Variants in ELOVL6 observed in about 807,000 individuals in gnomAD.
ELOVL6 encodes ELOVL fatty acid elongase 6, also known as very long chain fatty acid elongase 6.
ELOVL6 carries 8 observed loss-of-function variants against 31.7 expected under a neutral mutation model. The ratio of observed to expected loss-of-function variants is 0.25; its 90% confidence interval spans 0.15 to 0.45. The LOEUF (loss-of-function observed/expected upper bound fraction) is 0.45. Ranked by LOEUF, ELOVL6 falls within the 20% of genes least tolerant of loss-of-function variation. The pLI is 1.00. For synonymous variants in ELOVL6, 101 were observed against 117.7 expected (o/e 0.86, Z 0.92); for missense variants, 126 against 326.4 (o/e 0.39, Z 4.73).
intron 1 of ELOVL6, among the ~76,000 whole-genome samples, chr4:110,119,580 G>A (rs1455462470): frequency 1.3e-5 from 2 of 152,162 alleles, no homozygotes; most frequent in African/African-American, 2.4e-5. Flanking sequence ...GACAGTGTCC[G>A]GAGCTGGTTT....
Position 110,120,591 on chromosome 4 carries a change from C to T in ELOVL6, c.90-14963G>A, listed in dbSNP as rs183108562. ...TACTACTATGCATTGTTCCAGGCCA[C>T]GAAATTAAAATGTGTTTCAATTTGA... On this transcript the variant is annotated intron_variant, in intron 1 of 3. Transcript: ENST00000302274. Among the ~76,000 whole-genome samples, 59 of 152,152 alleles carry T rather than the reference C, an allele frequency of 3.9e-4. 1 individual carries two copies. In the South Asian group the frequency reaches 5.6e-3, roughly 14 times the overall value.
intron 2 of ELOVL6, among the ~76,000 whole-genome samples, chr4:110,089,251 C>T (rs553084038): frequency 5.9e-5 from 9 of 152,258 alleles, no homozygotes; most frequent in East Asian, 1.9e-4. Context: ...TGTATAAAAA[C>T]GTGCATTCAG....
At chr4:110,109,633 ACC>A (rs1488443311) in intron 1 of ELOVL6, among the ~76,000 whole-genome samples, 8 of 152,132 alleles carry the variant, frequency 5.3e-5, no homozygotes, top group African/African-American at 1.9e-4. Context: ...TTCTTGCTTT[ACC>A]CATTAACATT....
chr4:110,173,128 G>C (rs1415921704), intron 1 of ELOVL6, among the ~76,000 whole-genome samples: 1 of 152,150 alleles, frequency 6.6e-6, no homozygotes, highest in African/African-American at 2.4e-5. Context: ...GCCTATCTGT[G>C]TATTCAAATA....
chr4:110,056,420 T>C, intron 3 of ELOVL6, among the ~76,000 whole-genome samples: 1 of 152,098 alleles, frequency 6.6e-6, no homozygotes, highest in East Asian at 1.9e-4. Flanking sequence ...GATCTGCTTG[T>C]CTTGGAGACA....
chr4:110,116,859 T>C (rs192543380), intron 1 of ELOVL6, among the ~76,000 whole-genome samples: 2 of 152,340 alleles, frequency 1.3e-5, no homozygotes, highest in East Asian at 1.9e-4. Context: ...GCAGCAGCAT[T>C]TGACACAGAT....
intron 1 of ELOVL6, among the ~76,000 whole-genome samples, chr4:110,160,911 T>C (rs1283262474): frequency 1.3e-5 from 2 of 152,212 alleles, no homozygotes; most frequent in South Asian, 2.1e-4. Context: ...TTCTATTCAG[T>C]GGAGTCTTGC....
chr4:110,088,265 A>G (rs1756326007), intron 2 of ELOVL6, among the ~76,000 whole-genome samples: 1 of 152,174 alleles, frequency 6.6e-6, no homozygotes, highest in Non-Finnish European at 1.5e-5. Flanking sequence ...GAGAATAAAC[A>G]CTAATTCTAT....
intron 2 of ELOVL6, among the ~76,000 whole-genome samples, chr4:110,065,295 A>T (rs1713074500): frequency 6.6e-6 from 1 of 152,128 alleles, no homozygotes; most frequent in South Asian, 2.1e-4. Context: ...TCCTTTTTAA[A>T]GATGTATAAG....
chr4:110,106,964 T>A (rs1405211278), intron 1 of ELOVL6, among the ~76,000 whole-genome samples: 1 of 152,222 alleles, frequency 6.6e-6, no homozygotes, highest in African/African-American at 2.4e-5. Context: ...GCATGTTTCC[T>A]GAGAAAGCAA....
chr4:110,084,188 T>TATATGTGATATATGATATATATAAC (rs1560814428), intron 2 of ELOVL6, among the ~76,000 whole-genome samples: 7,332 of 78,004 alleles, frequency 0.094, 701 homozygotes, highest in South Asian at 0.15. Context: ...ATATATAACA[T>TATATGTGATATATGATATATATAAC]ATAACTTATA....
intron 2 of ELOVL6, among the ~76,000 whole-genome samples, chr4:110,064,712 T>G (rs1755248226): frequency 6.6e-6 from 1 of 152,102 alleles, no homozygotes; most frequent in South Asian, 2.1e-4. Flanking sequence ...GGTCTTGAAC[T>G]CCTGGGCTCA....
chr4:110,133,609 C>T (rs545098931), intron 1 of ELOVL6, among the ~76,000 whole-genome samples: 1 of 152,296 alleles, frequency 6.6e-6, no homozygotes, highest in South Asian at 2.1e-4. Flanking sequence ...AAAAGGCATG[C>T]ACCTTCTCAT....
chr4:110,116,868 A>G (rs1757182949), intron 1 of ELOVL6, among the ~76,000 whole-genome samples: 1 of 152,172 alleles, frequency 6.6e-6, no homozygotes, highest in East Asian at 1.9e-4. Context: ...TTTGACACAG[A>G]TGGCAACTCC....
At chr4:110,059,919 AATACAATG>A in intron 2 of ELOVL6, 165 bp from the exon 3 acceptor site, 1 of 606,902 alleles carries the variant, frequency 1.6e-6, no homozygotes, top group Non-Finnish European at 2.8e-6. Flanking sequence ...AACAAGAGCT[AATACAATG>A]ACTCAAGGGC....
intron 2 of ELOVL6, among the ~76,000 whole-genome samples, chr4:110,087,765 A>T (rs1560817517): frequency 1.3e-5 from 2 of 150,858 alleles, no homozygotes; most frequent in African/African-American, 2.4e-5. Context: ...TGAAGGAGTA[A>T]TTTTTTTTAA....
At chr4:110,076,886 C>T (rs1405628768) in intron 2 of ELOVL6, among the ~76,000 whole-genome samples, 2 of 152,192 alleles carry the variant, frequency 1.3e-5, no homozygotes, top group Non-Finnish European at 2.9e-5. Context: ...CACTCCCACC[C>T]TAATACTGTG....
Position 110,051,798 on chromosome 4 carries a change from T to C in ELOVL6, c.374-36A>G, listed in dbSNP as rs1258788445. 2.6e-5 allele frequency: 41 copies of C among 1,568,094 alleles called. No homozygotes were observed. The highest frequency in any genetic ancestry group is 3.4e-5 in the Non-Finnish European group (39 of 1,148,540). ...AAGAGGAAGAAGGTACGTGAGATCC[T>C]TGACCACCAGTAACGATGACTTACA... On this transcript the variant is annotated intron_variant, in intron 3 of 3. Coordinates refer to ENST00000302274, the MANE Select transcript of ELOVL6 (RefSeq NM_024090.3). This position sits in a 1 kb window ranked among gnomAD's most constrained non-coding sequence, Gnocchi z 4.8.
At chr4:110,077,244 G>A (rs1326512570) in intron 2 of ELOVL6, among the ~76,000 whole-genome samples, 1 of 152,166 alleles carries the variant, frequency 6.6e-6, no homozygotes, top group East Asian at 1.9e-4. Flanking sequence ...GAGAGTAGTG[G>A]TTCTCCCAGC....
Sources: allele counts gnomAD v4.1 joint callset (sites outside exome capture counted in the v4.1 genomes callset), GRCh38; gene constraint gnomAD v4.1.1; non-coding constraint Gnocchi (gnomAD v3.1); transcripts MANE v1.5; gene names NCBI Gene and HGNC (gene_info 2026-07-23, HGNC 2026-07-21).